MAP7: variants seen among roughly 807,000 people sequenced by gnomAD.
MAP7 encodes the protein microtubule associated protein 7.
A neutral mutation model predicts 94.8 loss-of-function variants in MAP7; 52 were observed. That is an observed-to-expected ratio of 0.55 (90% CI 0.44 to 0.69). The LOEUF is 0.69. MAP7 is among the 30% of genes least tolerant of loss of function. The pLI is 0.00. For missense variants in MAP7, 940 were observed against 964.6 expected (o/e 0.97, Z 0.34); for synonymous variants, 350 against 357.0 (o/e 0.98, Z 0.22).
intron 3 of MAP7, among the ~76,000 whole-genome samples, chr6:136,393,054 G>A (rs947849762): frequency 6.6e-6 from 1 of 152,160 alleles, no homozygotes; most frequent in African/African-American, 2.4e-5. Context: ...CTTAAATAAT[G>A]TTTTCATCAG....
chr6:136,475,415 C>T (rs912229980), intron 1 of MAP7, among the ~76,000 whole-genome samples: 1 of 152,086 alleles, frequency 6.6e-6, no homozygotes, highest in African/African-American at 2.4e-5. Context: ...AATATATTAT[C>T]ATTTTAATAC....
At chr6:136,416,969 A>T (rs926355769) in intron 2 of MAP7, among the ~76,000 whole-genome samples, 4 of 151,992 alleles carry the variant, frequency 2.6e-5, no homozygotes, top group Admixed American at 6.6e-5. Context: ...AATAAAAAAA[A>T]TTAGCCAAGA....
At chr6:136,462,755 A>C (rs1040663247) in intron 1 of MAP7, among the ~76,000 whole-genome samples, 9 of 152,030 alleles carry the variant, frequency 5.9e-5, no homozygotes, top group African/African-American at 2.2e-4. Flanking sequence ...TGAGCTCAGG[A>C]GTGTGAGACA....
intron 1 of MAP7, among the ~76,000 whole-genome samples, chr6:136,455,092 C>T (rs369460919): frequency 6.6e-6 from 1 of 151,586 alleles, no homozygotes; most frequent in African/African-American, 2.4e-5. Context: ...CTTTCTGGAT[C>T]CTTGGTCAGA....
At chr6:136,378,708 G>A (rs1018658308) in intron 6 of MAP7, among the ~76,000 whole-genome samples, 1 of 152,190 alleles carries the variant, frequency 6.6e-6, no homozygotes. Context: ...CAAGGCCATA[G>A]TCAGGACATG....
At chr6:136,543,611 C>T (rs1272668726) in intron 1 of MAP7, among the ~76,000 whole-genome samples, 1 of 152,032 alleles carries the variant, frequency 6.6e-6, no homozygotes, top group Admixed American at 6.5e-5. Context: ...TGAGATTGTG[C>T]CATTGCACTC....
Position 136,361,037 on chromosome 6 carries a change from C to T in MAP7, c.1669G>A (p.Glu557Lys). The T allele has an allele frequency of 6.3e-7, 1 of 1,580,834 alleles. No homozygotes were observed. Among genetic ancestry groups the T allele is most frequent in the Non-Finnish European group, 8.5e-7 (1 of 1,169,600 alleles). Reference protein sequence around the residue: ...QRQAEERALREREEAERAQRQ... With the variant: ...QRQAEERALRKREEAERAQRQ... ...TGGGCGCGCTCTGCCTCCTCCCGCTCGCGCAGCGCCCGCTCCTCCGCCTGC... is the reference window on the plus strand; with the variant it reads ...TGGGCGCGCTCTGCCTCCTCCCGCTTGCGCAGCGCCCGCTCCTCCGCCTGC... The change falls in exon 12 of 18, where the codon GAG (glutamate) becomes AAG (lysine). Residue 557 changes from glutamate (E) to lysine (K), a missense_variant. By Grantham distance (56) the Glu-to-Lys change is moderately conservative. Transcript: ENST00000354570.
intron 1 of MAP7, among the ~76,000 whole-genome samples, chr6:136,438,059 G>A (rs1041342183): frequency 1.3e-5 from 2 of 152,082 alleles, no homozygotes; most frequent in Admixed American, 6.6e-5. Context: ...AAAGCTCCCT[G>A]AGTAAAAGAA....
chr6:136,390,117 C>T (rs1395415355), intron 3 of MAP7, among the ~76,000 whole-genome samples: 1 of 152,102 alleles, frequency 6.6e-6, no homozygotes, highest in African/African-American at 2.4e-5. Context: ...AAATACAATC[C>T]AAAATTATCG....
At chr6:136,378,095 A>G (rs1776750135) in intron 6 of MAP7, among the ~76,000 whole-genome samples, 1 of 152,190 alleles carries the variant, frequency 6.6e-6, no homozygotes, top group African/African-American at 2.4e-5. Flanking sequence ...GCTCTAAATT[A>G]GTTTTACAGA....
intron 1 of MAP7, among the ~76,000 whole-genome samples, chr6:136,428,535 A>C (rs1315999700): frequency 1.3e-5 from 2 of 152,196 alleles, no homozygotes; most frequent in Non-Finnish European, 2.9e-5. Flanking sequence ...ATAAATAAAT[A>C]AATAAATAAA....
chr6:136,489,124 C>T (rs1815696028), intron 1 of MAP7, among the ~76,000 whole-genome samples: 1 of 152,026 alleles, frequency 6.6e-6, no homozygotes, highest in African/African-American at 2.4e-5. Flanking sequence ...CACCGCAAAC[C>T]ATTTCAAATA....
intron 3 of MAP7, among the ~76,000 whole-genome samples, chr6:136,395,300 A>G (rs1782112796): frequency 6.7e-6 from 1 of 150,262 alleles, no homozygotes; most frequent in Admixed American, 6.6e-5. Context: ...TTTGATTTGC[A>G]TTTCCCTGAT....
intron 17 of MAP7, among the ~76,000 whole-genome samples, chr6:136,345,545 A>G (rs1206515186): frequency 2.0e-5 from 3 of 152,216 alleles, no homozygotes; most frequent in Non-Finnish European, 4.4e-5. Flanking sequence ...TCTTTCTACA[A>G]AGCATATTCT....
chr6:136,402,322 A>G (rs528482652), intron 3 of MAP7, among the ~76,000 whole-genome samples: 9 of 152,366 alleles, frequency 5.9e-5, no homozygotes, highest in South Asian at 4.1e-4. Context: ...AATGAACTAA[A>G]GAGTTAAAGG....
chr6:136,442,483 A>T (rs1359680641), intron 1 of MAP7, among the ~76,000 whole-genome samples: 1 of 151,980 alleles, frequency 6.6e-6, no homozygotes, highest in Non-Finnish European at 1.5e-5. Context: ...TGTTTAAAAC[A>T]GTGGTTCTTG....
At chr6:136,481,871 C>A (rs1181659331) in intron 1 of MAP7, among the ~76,000 whole-genome samples, 2 of 152,068 alleles carry the variant, frequency 1.3e-5, no homozygotes, top group Admixed American at 6.5e-5. Context: ...ATTTCACATA[C>A]CCCATAAATA....
chr6:136,543,983 A>G (rs1829530057), intron 1 of MAP7, among the ~76,000 whole-genome samples: 1 of 152,046 alleles, frequency 6.6e-6, no homozygotes, highest in African/African-American at 2.4e-5. Flanking sequence ...ATGTGGTGCT[A>G]CCATCTCGGC....
chr6:136,401,812 G>GTAATA (rs1480969181), intron 3 of MAP7, among the ~76,000 whole-genome samples: 3 of 150,648 alleles, frequency 2.0e-5, no homozygotes, highest in African/African-American at 7.3e-5. Context: ...TGTCTCTAAT[G>GTAATA]TAAAAAAACA....
Sources: gnomAD v4.1 joint callset for allele counts (sites outside exome capture counted in the v4.1 genomes callset) on GRCh38, gnomAD v4.1.1 for gene constraint, MANE v1.5 for transcripts, NCBI Gene and HGNC (gene_info 2026-07-23, HGNC 2026-07-21) for gene names.